Variants in PIK3R6 observed in about 807,000 individuals in gnomAD.
PIK3R6 encodes the protein phosphoinositide-3-kinase regulatory subunit 6.
A neutral mutation model predicts 84.9 loss-of-function variants in PIK3R6; 91 were observed. That is an observed-to-expected ratio of 1.07 (90% CI 0.90 to 1.28). The LOEUF (loss-of-function observed/expected upper bound fraction) is 1.28. Among genes scored for constraint, PIK3R6 ranks in the 50% most tolerant of loss-of-function variants. The probability of loss-of-function intolerance (pLI) is 0.00; values close to 1 mark genes in which losing one functional copy is unlikely to be tolerated. For synonymous variants in PIK3R6, 416 were observed against 411.4 expected, an observed-to-expected ratio of 1.01 and a Z score of -0.13; for missense variants, 996 against 985.1, an observed-to-expected ratio of 1.01 and a Z score of -0.15.
chr17:8,818,455 C>T (rs2087613700), intron 18 of PIK3R6, among the ~76,000 whole-genome samples: 1 of 152,150 alleles, frequency 6.6e-6, no homozygotes, highest in Non-Finnish European at 1.5e-5. Context: ...TCGAGACCAG[C>T]CTGGTCAGCA....
chr17:8,837,454 C>CCGATTGTTG (rs2088515935), intron 5 of PIK3R6, among the ~76,000 whole-genome samples: 1 of 152,142 alleles, frequency 6.6e-6, no homozygotes, highest in African/African-American at 2.4e-5. Flanking sequence ...ACCACCACTC[C>CCGATTGTTG]CACCCGCTGC....
In PIK3R6 at chr17:8,828,821, C is replaced by A; in HGVS notation, c.1059G>T (p.Leu353=). 1.3e-6 allele frequency: 2 copies of A among 1,590,546 alleles called. No individual in the cohort carries two copies. Among genetic ancestry groups the A allele is most frequent in the Non-Finnish European group, 8.6e-7 (1 of 1,167,150 alleles). Residue 353 remains leucine, a synonymous_variant, in exon 11 of 20, where the codon CTG becomes CTT. Coordinates refer to ENST00000619866, the MANE Select transcript of PIK3R6 (RefSeq NM_001010855.4). The part of the protein sequence containing the change: ...ERDLPTGADE[L]PAPGSPEMER... ...CCATCTCAGGGCTGCCGGGTGCAGGCAGCTCATCAGCCCCCGTGGGAAGGT... is the reference window on the plus strand; with the variant it reads ...CCATCTCAGGGCTGCCGGGTGCAGGAAGCTCATCAGCCCCCGTGGGAAGGT...
At position 8,803,843 on chromosome 17, in the gene PIK3R6, A is replaced by C; in HGVS notation, c.2108+198T>G. On this transcript the variant is annotated intron_variant, in intron 19 of 19. Coordinates refer to ENST00000619866, the MANE Select transcript of PIK3R6 (RefSeq NM_001010855.4). This position sits in a 1 kb window ranked among gnomAD's most constrained non-coding sequence, Gnocchi z 5.0. Reference sequence around the variant, plus strand: ...TATCAGCTGCTGCCCTGGGTATGCCATTCATTTGCCTCGACTTCCTGGATC... The same window carrying C: ...TATCAGCTGCTGCCCTGGGTATGCCCTTCATTTGCCTCGACTTCCTGGATC... 1.7e-6 allele frequency: 1 copy of C among 604,244 alleles called. No homozygotes were observed. The highest frequency in any genetic ancestry group is 2.9e-6 in the Non-Finnish European group (1 of 339,028). 37.4% of individuals were successfully genotyped at this position (604,244 alleles called of 1,614,324 possible). A position where few individuals can be genotyped will look rare whatever the true frequency, so the allele number is the denominator to read the frequency against.
intron 18 of PIK3R6, among the ~76,000 whole-genome samples, chr17:8,806,952 A>G (rs995104579): frequency 2.0e-5 from 3 of 152,218 alleles, no homozygotes; most frequent in African/African-American, 7.2e-5. Flanking sequence ...CAGCTACTGG[A>G]ATTTTCCCCT....
intron 1 of PIK3R6, among the ~76,000 whole-genome samples, chr17:8,856,153 A>G (rs1242026346): frequency 6.6e-6 from 1 of 152,258 alleles, no homozygotes; most frequent in East Asian, 1.9e-4. Flanking sequence ...TCAGTGTCAG[A>G]TAAAGGAGTC....
intron 18 of PIK3R6, among the ~76,000 whole-genome samples, chr17:8,812,457 C>T (rs917670739): frequency 5.3e-5 from 8 of 152,226 alleles, no homozygotes; most frequent in African/African-American, 1.9e-4. Flanking sequence ...TGTAATTCTT[C>T]TCATTTGCAC....
intron 18 of PIK3R6, among the ~76,000 whole-genome samples, chr17:8,814,537 G>A (rs1027839611): frequency 3.3e-5 from 5 of 151,798 alleles, no homozygotes; most frequent in Non-Finnish European, 7.4e-5. Context: ...TATTAGGAGA[G>A]ACAACAAATA....
intron 9 of PIK3R6, among the ~76,000 whole-genome samples, chr17:8,831,145 C>CAAAAAAA (rs35954175): frequency 2.4e-5 from 1 of 42,012 alleles, no homozygotes; most frequent in Non-Finnish European, 4.2e-5. Context: ...GATTGTGTCT[C>CAAAAAAA]AAAAAAAAAA....
intron 18 of PIK3R6, among the ~76,000 whole-genome samples, chr17:8,809,773 A>C (rs970640307): frequency 1.3e-5 from 2 of 152,206 alleles, no homozygotes; most frequent in Admixed American, 6.5e-5. Flanking sequence ...TGCATACAAG[A>C]AATCTGCCTA....
Position 8,803,277 on chromosome 17 carries a change from T to C in PIK3R6, c.2261A>G (p.Gln754Arg). ...GGGCCTGCTGTCCCTGCAGGCTCAC[T>C]GGACAATACCAGAGAATGTGTTGAT... ...MPINTFSGIVQ is the reference protein window; with the variant it reads ...MPINTFSGIVR The change falls in exon 20 of 20, where the codon CAG becomes CGG. Residue 754 changes from glutamine to arginine, a missense_variant. By Grantham distance (43) the Gln-to-Arg change is conservative. Coordinates refer to ENST00000619866, the MANE Select transcript of PIK3R6 (RefSeq NM_001010855.4). This position sits in a 1 kb window ranked among gnomAD's most constrained non-coding sequence, Gnocchi z 5.0. The C allele has an allele frequency of 1.2e-6, 2 of 1,612,432 alleles. No homozygotes were observed. Among genetic ancestry groups the C allele is most frequent in the Non-Finnish European group, 1.7e-6 (2 of 1,179,826 alleles).
At chr17:8,820,308 G>C (rs967337410) in intron 17 of PIK3R6, among the ~76,000 whole-genome samples, 1 of 151,872 alleles carries the variant, frequency 6.6e-6, no homozygotes, top group Non-Finnish European at 1.5e-5. Flanking sequence ...GCTGGGAGTG[G>C]GGAGAGTCTG....
Position 8,828,797 on chromosome 17 carries a change from C to T in PIK3R6, c.1083G>A (p.Met361Ile). ...CTTTGCGCTGCAGCCCGGCTCGCTC[C>T]ATCTCAGGGCTGCCGGGTGCAGGCA... ...DELPAPGSPE[M>I]ERAGLQRKGG... Residue 361 changes from methionine (M) to isoleucine (I), a missense_variant, in exon 11 of 20, where the codon ATG becomes ATA. By Grantham distance (10) the Met-to-Ile change is conservative. Coordinates refer to ENST00000619866, the MANE Select transcript of PIK3R6 (RefSeq NM_001010855.4). 6.3e-7 allele frequency: 1 copy of T among 1,586,662 alleles called. No individual in the cohort carries two copies. The highest frequency in any genetic ancestry group is 8.6e-7 in the Non-Finnish European group (1 of 1,164,440).
chr17:8,826,806 G>A (rs76427227), intron 13 of PIK3R6, among the ~76,000 whole-genome samples: 5,042 of 152,050 alleles, frequency 0.033, 281 homozygotes, highest in African/African-American at 0.11. Flanking sequence ...AAAATAAATA[G>A]ATAAATGATA....
chr17:8,861,477 A>G (rs1300285322), intron 1 of PIK3R6, among the ~76,000 whole-genome samples: 1 of 152,182 alleles, frequency 6.6e-6, no homozygotes, highest in Non-Finnish European at 1.5e-5. Flanking sequence ...TAAATGAAAA[A>G]TTCTAGAAAG....
At chr17:8,804,222 C>A in intron 18 of PIK3R6, 69 bp from the exon 19 acceptor site, 1 of 1,276,458 alleles carries the variant, frequency 7.8e-7, no homozygotes, top group Non-Finnish European at 1.1e-6. Flanking sequence ...ACATGCCCTA[C>A]CCTGGAATCT....
intron 1 of PIK3R6, among the ~76,000 whole-genome samples, chr17:8,860,598 A>C (rs2151318146): frequency 6.6e-6 from 1 of 152,220 alleles, no homozygotes; most frequent in East Asian, 1.9e-4. Flanking sequence ...GAGAAGCCAC[A>C]GTTTTTGGAA....
At chr17:8,829,606 A>T (rs979315811) in intron 10 of PIK3R6, 100 bp downstream of exon 10, 2 of 1,227,598 alleles carry the variant, frequency 1.6e-6, no homozygotes, top group Non-Finnish European at 2.3e-6. Context: ...ATGCATACAC[A>T]CACTGACACA....
rs112275021 is a variant in PIK3R6, at chr17:8,835,084, C to T, written c.645+189G>A. The stretch of plus-strand genomic sequence containing the variant: ...AACTCCTGACCTCAGGTGATACACC[C>T]GCCTCAGCCTCCCAAAGTGCTGGGG... On this transcript the variant is annotated intron_variant, in intron 8 of 19. Transcript: ENST00000619866. Among the ~76,000 whole-genome samples the T allele has an allele frequency of 4.8e-4, 73 of 152,270 alleles. 1 individual carries two copies. Among genetic ancestry groups the T allele is most frequent in the African/African-American group, 1.7e-3 (72 of 41,560 alleles).
intron 17 of PIK3R6, among the ~76,000 whole-genome samples, chr17:8,821,310 TA>T (rs1490973346): frequency 6.6e-6 from 1 of 152,204 alleles, no homozygotes; most frequent in Non-Finnish European, 1.5e-5. Context: ...TCCTCTCCAG[TA>T]AAAAGTTACT....
Sources: allele counts gnomAD v4.1 joint callset (sites outside exome capture counted in the v4.1 genomes callset), GRCh38; gene constraint gnomAD v4.1.1; non-coding constraint Gnocchi (gnomAD v3.1); transcripts MANE v1.5; gene names NCBI Gene and HGNC (gene_info 2026-07-23, HGNC 2026-07-21).